The following SELENOF variants were observed in gnomAD, a reference collection of about 807,000 sequenced individuals.
SELENOF encodes 15 kDa selenoprotein.
SELENOF carries 16 observed loss-of-function variants against 20.5 expected under a neutral mutation model. The observed-to-expected ratio is 0.78, with a 90% CI of 0.53 to 1.19. The LOEUF (loss-of-function observed/expected upper bound fraction) is 1.19, where lower values mean the gene tolerates loss of function less well. Among genes scored for constraint, SELENOF ranks in the 50% most tolerant of loss-of-function variants. The pLI, the probability that SELENOF is intolerant of heterozygous loss-of-function variation, is 0.00. For synonymous variants in SELENOF, 78 were observed against 74.5 expected, an observed-to-expected ratio of 1.05 and a Z score of -0.24; for missense variants, 215 against 194.2, an observed-to-expected ratio of 1.11 and a Z score of -0.64.
intron 1 of SELENOF, among the ~76,000 whole-genome samples, chr1:86,904,147 G>C (rs915739547): frequency 6.6e-6 from 1 of 152,126 alleles, no homozygotes; most frequent in Non-Finnish European, 1.5e-5. Context: ...TATGGAGTAA[G>C]ATTAGCTGTA....
At chr1:86,898,273 C>A (rs1285568668) in intron 2 of SELENOF, among the ~76,000 whole-genome samples, 1 of 152,102 alleles carries the variant, frequency 6.6e-6, no homozygotes, top group Non-Finnish European at 1.5e-5. Context: ...CTTTTATGAT[C>A]AAAACTGGAA....
At chr1:86,914,149 G>C, upstream of SELENOF, 1 of 1,585,328 alleles carries the variant, frequency 6.3e-7, no homozygotes, top group Non-Finnish European at 8.7e-7. Flanking sequence ...GGACCCCTAA[G>C]CTAGGGGCGT....
At chr1:86,905,681 C>T (rs980282752) in intron 1 of SELENOF, among the ~76,000 whole-genome samples, 1 of 152,146 alleles carries the variant, frequency 6.6e-6, no homozygotes, top group East Asian at 1.9e-4. Context: ...ATAAATAAAT[C>T]GCACAAAGCC....
intron 1 of SELENOF, among the ~76,000 whole-genome samples, chr1:86,906,612 T>C (rs886171805): frequency 2.6e-5 from 4 of 152,162 alleles, no homozygotes; most frequent in South Asian, 2.1e-4. Flanking sequence ...CAACCTGCTG[T>C]AAAGAAGTCT....
chr1:86,887,111 C>G, intron 2 of SELENOF: 2 of 1,476,974 alleles, frequency 1.4e-6, no homozygotes, highest in Non-Finnish European at 1.8e-6. Context: ...TGTTCATCTT[C>G]AAGTCTTCCC....
intron 3 of SELENOF, among the ~76,000 whole-genome samples, chr1:86,879,830 A>T (rs553017782): frequency 6.6e-6 from 1 of 152,324 alleles, no homozygotes; most frequent in African/African-American, 2.4e-5. Flanking sequence ...TACCTTCACA[A>T]TTATCCTTTA....
chr1:86,882,765 T>G (rs917048835), intron 2 of SELENOF, among the ~76,000 whole-genome samples: 2 of 152,162 alleles, frequency 1.3e-5, no homozygotes, highest in Non-Finnish European at 2.9e-5. Flanking sequence ...ATGTGTTCAT[T>G]AACAGATGAA....
intron 3 of SELENOF, 26 bp from the exon 4 acceptor site, chr1:86,868,128 A>G: frequency 8.2e-7 from 1 of 1,214,872 alleles, no homozygotes; most frequent in Non-Finnish European, 1.2e-6. Context: ...AAAAAGATTC[A>G]GTAGTTCACT....
chr1:86,914,044 G>A lies in SELENOF; in HGVS notation c.68C>T (p.Ala23Val). The A allele has an allele frequency of 6.2e-7, 1 of 1,613,786 alleles. No individual in the cohort carries two copies. The highest frequency in any genetic ancestry group is 8.5e-7 in the Non-Finnish European group (1 of 1,179,804). ...VPAFGLRLLL[A>V]TVLQAVSAFG... ...TACACTCACCGCTTGAAGCACAGTC[G>A]CCAACAACAACCGTAGCCCAAACGC... Residue 23 changes from alanine to valine, a missense_variant, in exon 1 of 5, where the codon GCG (alanine) becomes GTG (valine). Coordinates refer to ENST00000331835, the MANE Select transcript of SELENOF (RefSeq NM_004261.5).
intron 2 of SELENOF, among the ~76,000 whole-genome samples, chr1:86,902,450 A>G (rs533047494): frequency 2.6e-5 from 4 of 152,302 alleles, no homozygotes; most frequent in East Asian, 3.9e-4. Context: ...ACCAATAATA[A>G]TAACACATCA....
chr1:86,899,426 CA>C (rs1659615557), intron 2 of SELENOF, among the ~76,000 whole-genome samples: 1 of 122,190 alleles, frequency 8.2e-6, no homozygotes, highest in African/African-American at 4.0e-5. Context: ...CGACCCCCCC[CA>C]CCTCCCTCCC....
chr1:86,899,948 C>T (rs1309478516), intron 2 of SELENOF, among the ~76,000 whole-genome samples: 5 of 149,966 alleles, frequency 3.3e-5, no homozygotes, highest in African/African-American at 7.4e-5. Flanking sequence ...ACATCCCACA[C>T]GGGGCGGCGG....
Position 86,900,918 on chromosome 1 carries a change from G to A in SELENOF, c.252+2363C>T, listed in dbSNP as rs900082749. ...AATATATGTATCTTTTTTGAGTCAG[G>A]GTCTCTCTCTGCTGCTCAGGCTGGA... On this transcript the variant is annotated intron_variant, in intron 2 of 4. Transcript: ENST00000331835. Among the ~76,000 whole-genome samples, 3 of 152,026 alleles carry A rather than the reference G, an allele frequency of 2.0e-5. 1 individual carries two copies. The highest frequency in any genetic ancestry group is 2.0e-4 in the Admixed American group (3 of 15,268).
intron 2 of SELENOF, among the ~76,000 whole-genome samples, chr1:86,885,723 G>C (rs555157721): frequency 6.6e-6 from 1 of 152,280 alleles, no homozygotes; most frequent in African/African-American, 2.4e-5. Context: ...GCATGGTATA[G>C]TGAAAAGAGT....
intron 3 of SELENOF, among the ~76,000 whole-genome samples, chr1:86,869,577 T>C (rs1557453477): frequency 6.6e-6 from 1 of 152,190 alleles, no homozygotes; most frequent in East Asian, 1.9e-4. Context: ...ACATGGGGCA[T>C]TTATTTGGGA....
intron 1 of SELENOF, among the ~76,000 whole-genome samples, chr1:86,909,052 G>C (rs923703131): frequency 6.6e-6 from 1 of 152,270 alleles, no homozygotes; most frequent in Non-Finnish European, 1.5e-5. Context: ...AACAAAACAC[G>C]AGTGCAGTCC....
intron 2 of SELENOF, among the ~76,000 whole-genome samples, chr1:86,888,133 G>A (rs577858507): frequency 3.3e-5 from 5 of 152,068 alleles, no homozygotes; most frequent in South Asian, 4.2e-4. Flanking sequence ...GATGGCGGGT[G>A]CCTGTAATCC....
chr1:86,872,914 G>T (rs1022641440), intron 3 of SELENOF, among the ~76,000 whole-genome samples: 1 of 152,056 alleles, frequency 6.6e-6, no homozygotes, highest in South Asian at 2.1e-4. Context: ...GGTGGCAGGC[G>T]CCTGTAGCGC....
chr1:86,914,422 T>C (rs372959860), upstream of SELENOF: 2 of 433,166 alleles, frequency 4.6e-6, no homozygotes, highest in Non-Finnish European at 4.3e-6. Context: ...CGCCTTCTTC[T>C]CCAAGTTTAC....
Sources: allele counts gnomAD v4.1 joint callset (sites outside exome capture counted in the v4.1 genomes callset), GRCh38; gene constraint gnomAD v4.1.1; transcripts MANE v1.5; gene names NCBI Gene and HGNC (gene_info 2026-07-23, HGNC 2026-07-21).